The following POLR3E variants were observed in gnomAD, a reference collection of about 807,000 sequenced individuals.
POLR3E encodes the protein RNA polymerase III subunit E, also known as DNA-directed RNA polymerase III subunit RPC5.
In POLR3E, 41 loss-of-function variants were observed where a neutral mutation model predicts 96.6. The observed-to-expected ratio is 0.42, with a 90% CI of 0.33 to 0.55. POLR3E has a LOEUF of 0.55. Ranked by LOEUF, POLR3E falls within the 20% of genes least tolerant of loss-of-function variation. POLR3E has a pLI of 0.06. For synonymous variants in POLR3E, 396 were observed against 383.6 expected (o/e 1.03, Z -0.38); for missense variants, 849 against 952.1 (o/e 0.89, Z 1.43).
Position 22,305,608 on chromosome 16 carries a change from T to C in POLR3E, c.87+402T>C, listed in dbSNP as rs565648387. 3.9e-5 allele frequency: 15 copies of C among 388,124 alleles called. No homozygotes were observed. The East Asian group carries it at 9.8e-4, about 25-fold the overall frequency. The allele number at this position is 388,124 out of a possible 1,614,324, so 24.0% of individuals were successfully genotyped here. A position where few individuals can be genotyped will look rare whatever the true frequency, so the allele number is the denominator to read the frequency against. ...CAGGCTGAGTCCACAGTGAAGTGTTTAGGATGCCGCCTGGCAGAGAGTTGG... is the reference window on the plus strand; with the variant it reads ...CAGGCTGAGTCCACAGTGAAGTGTTCAGGATGCCGCCTGGCAGAGAGTTGG... On this transcript the variant is annotated intron_variant, in intron 3 of 20. Coordinates refer to ENST00000299853, the MANE Select transcript of POLR3E (RefSeq NM_018119.4).
At chr16:22,304,235 T>C (rs2048088304) in intron 2 of POLR3E, among the ~76,000 whole-genome samples, 1 of 152,180 alleles carries the variant, frequency 6.6e-6, no homozygotes, top group Admixed American at 6.5e-5. Context: ...TCAGCCTCCT[T>C]ATATGCGGAG....
intron 1 of POLR3E, among the ~76,000 whole-genome samples, chr16:22,299,289 T>G (rs1405144879): frequency 6.6e-6 from 1 of 151,836 alleles, no homozygotes; most frequent in Admixed American, 6.6e-5. Context: ...GCCTGGATGG[T>G]GAGGGGAAGA....
At chr16:22,328,907 C>T in intron 19 of POLR3E, 1 of 316,572 alleles carries the variant, frequency 3.2e-6, no homozygotes, top group Non-Finnish European at 6.2e-6. Flanking sequence ...GGGTGGATCA[C>T]CTGAGGTTGG....
rs758153321 is a variant in POLR3E at position 22,325,805 on chromosome 16, A to G, written c.1393A>G (p.Lys465Glu). ...TGGGGACCAGCGGATCCAAGTAGCC[A>G]AAACCAAGGCCCAGCAGAACCACGC... is the stretch of plus-strand genomic sequence containing the variant. ...VCGDQRIQVA[K>E]TKAQQNHALL... is the part of the protein sequence containing the mutation. The change falls in exon 18 of 21, where the codon AAA (lysine) becomes GAA (glutamate). Residue 465 changes from lysine to glutamate, a missense_variant. Coordinates refer to ENST00000299853, the MANE Select transcript of POLR3E (RefSeq NM_018119.4). 6.2e-7 allele frequency: 1 copy of G among 1,603,058 alleles called. No homozygotes were observed. Among genetic ancestry groups the G allele is most frequent in the East Asian group, 2.2e-5 (1 of 44,796 alleles).
chr16:22,315,031 G>A (rs906578718), intron 8 of POLR3E, 58 bp from the exon 9 acceptor site: 11 of 1,585,342 alleles, frequency 6.9e-6, no homozygotes, highest in African/African-American at 4.0e-5. Context: ...GGGCTGAGAC[G>A]GCAGTCCAGC....
In POLR3E at chr16:22,309,143, C is replaced by G. The variant is rs1048673215; in HGVS notation, c.281+103C>G. 17 of 774,430 alleles carry G rather than the reference C, an allele frequency of 2.2e-5. 2 individuals carry two copies. In the South Asian group the frequency reaches 2.8e-4, roughly 13 times the overall value. 48.0% of individuals were successfully genotyped at this position (774,430 alleles called of 1,614,324 possible). ...CCCCTTTGCCCCGTCACTGGGCTCC[C>G]CACCAGTGTCCCAGCCTTTGGAGGG... On this transcript the variant is annotated intron_variant, in intron 5 of 20. Transcript: ENST00000299853.
At position 22,324,409 on chromosome 16, in the gene POLR3E, C is replaced by G; in HGVS notation, c.1124C>G (p.Thr375Ser). 1 of 1,612,490 alleles carries G rather than the reference C, an allele frequency of 6.2e-7. No individual in the cohort carries two copies. Among genetic ancestry groups the G allele is most frequent in the South Asian group, 1.1e-5 (1 of 91,014 alleles). Residue 375 changes from threonine to serine, a missense_variant, in exon 15 of 21, where the codon ACC becomes AGC. Coordinates refer to ENST00000299853, the MANE Select transcript of POLR3E (RefSeq NM_018119.4). ...GTTAGGAAAGAGGTGGCAACCGTGA[C>G]CAAAGTAAGTGGCGTTTTTGTGGTC... ...WVVRKEVATV[T>S]KLCAEDVKDF...
chr16:22,325,131 G>T, intron 16 of POLR3E, 74 bp from the exon 17 acceptor site: 2 of 1,138,654 alleles, frequency 1.8e-6, no homozygotes, highest in South Asian at 2.5e-5. Context: ...GGGGCCTAAG[G>T]GGTGGTTGTT....
intron 16 of POLR3E, 130 bp from the exon 17 acceptor site, chr16:22,325,075 G>A: frequency 1.3e-6 from 1 of 762,270 alleles, no homozygotes; most frequent in Non-Finnish European, 2.4e-6. Flanking sequence ...GACTCAGTAG[G>A]GCTGGCTGAG....
Position 22,328,593 on chromosome 16 carries a change from G to A in POLR3E, c.1944+6G>A. On this transcript the variant is annotated splice_donor_region_variant and intron_variant, in intron 19 of 20. Transcript: ENST00000299853. ...CTGGAGACATGAGTGATCAGGTGAG[G>A]TGAACTTTGCTGCCATCTTCCCGAA... The A allele has an allele frequency of 6.2e-7, 1 of 1,612,700 alleles. No homozygotes were observed. The highest frequency in any genetic ancestry group is 8.5e-7 in the Non-Finnish European group (1 of 1,178,714).
intron 1 of POLR3E, 87 bp from the exon 2 acceptor site, chr16:22,302,844 C>G (rs1031273044): frequency 1.6e-4 from 144 of 899,730 alleles, no homozygotes; most frequent in Non-Finnish European, 2.4e-4. Flanking sequence ...TGGGCTCCCC[C>G]TCCCAGTGCA....
Position 22,314,120 on chromosome 16 carries a change from C to G in POLR3E, c.514C>G (p.Gln172Glu). Reference sequence around the variant, plus strand: ...GGATGAGGCGGAAGACGATGTTAAGCAGATCACGGTGAGCCCTGGCCCCTG... The same window carrying G: ...GGATGAGGCGGAAGACGATGTTAAGGAGATCACGGTGAGCCCTGGCCCCTG... ...SQDEAEDDVKQITVRFSRPES... is the reference protein window; with the variant it reads ...SQDEAEDDVKEITVRFSRPES... The change falls in exon 8 of 21, where the codon CAG (glutamine) becomes GAG (glutamate). Residue 172 changes from glutamine to glutamate, a missense_variant. Transcript: ENST00000299853. 1 of 1,613,814 alleles carries G rather than the reference C, an allele frequency of 6.2e-7. No individual in the cohort carries two copies. The highest frequency in any genetic ancestry group is 1.3e-5 in the African/African-American group (1 of 75,064).
At chr16:22,305,117 G>A (rs779465068) in intron 2 of POLR3E, 39 bp from the exon 3 acceptor site, 79 of 1,572,770 alleles carry the variant, frequency 5.0e-5, no homozygotes, top group Middle Eastern at 3.4e-4. Context: ...TCAGCACTGT[G>A]TCCAGTCTCC....
At chr16:22,298,636 G>C (rs193094300) in intron 1 of POLR3E, among the ~76,000 whole-genome samples, 27 of 152,250 alleles carry the variant, frequency 1.8e-4, no homozygotes, top group Non-Finnish European at 2.9e-4. Context: ...TCAGAAAACC[G>C]TGCAGTATAG....
At position 22,318,754 on chromosome 16, in the gene POLR3E, C is replaced by T. The variant is rs1249097351; in HGVS notation, c.866-72C>T. 9.8e-6 allele frequency: 15 copies of T among 1,528,770 alleles called. No homozygotes were observed. Among genetic ancestry groups the T allele is most frequent in the African/African-American group, 1.4e-5 (1 of 71,962 alleles). 94.7% of individuals were successfully genotyped at this position (1,528,770 alleles called of 1,614,324 possible). ...GTTATTACATGAACTTGAAGCTATG[C>T]GGACTCTCGGTGGAGGGGAGGGAAG... On this transcript the variant is annotated intron_variant, in intron 12 of 20. Transcript: ENST00000299853. This position sits in a 1 kb window ranked among gnomAD's most constrained non-coding sequence, Gnocchi z 5.0.
intron 9 of POLR3E, among the ~76,000 whole-genome samples, chr16:22,315,969 C>G (rs943342919): frequency 6.6e-6 from 1 of 152,124 alleles, no homozygotes; most frequent in Non-Finnish European, 1.5e-5. Context: ...CCACCTGGCC[C>G]TGGTGCATTG....
chr16:22,319,094 C>T (rs2048419085), intron 13 of POLR3E, 148 bp downstream of exon 13: 2 of 521,212 alleles, frequency 3.8e-6, no homozygotes, highest in South Asian at 2.4e-5. Flanking sequence ...CCTGCCTCAG[C>T]CTCCTGAGTA....
chr16:22,317,779 A>G (rs940693167), intron 12 of POLR3E, among the ~76,000 whole-genome samples: 2 of 151,568 alleles, frequency 1.3e-5, no homozygotes, highest in African/African-American at 2.4e-5. Flanking sequence ...GGCTGGGCCT[A>G]CAAGCAGACG....
intron 19 of POLR3E, 146 bp from the exon 20 acceptor site, chr16:22,331,914 G>A (rs1256376952): frequency 5.6e-6 from 4 of 715,190 alleles, no homozygotes; most frequent in African/African-American, 5.3e-5. Context: ...GAGATGACTT[G>A]GCTCATCTTT....
Sources: gnomAD v4.1 joint callset for allele counts (sites outside exome capture counted in the v4.1 genomes callset) on GRCh38, gnomAD v4.1.1 for gene constraint, Gnocchi (gnomAD v3.1) non-coding constraint, MANE v1.5 for transcripts, NCBI Gene and HGNC (gene_info 2026-07-23, HGNC 2026-07-21) for gene names.